The following ST3GAL2 variants were observed in gnomAD, a reference collection of about 807,000 sequenced individuals.
The protein encoded by ST3GAL2 is CMP-N-acetylneuraminate-beta-galactosamide-alpha-2,3-sialyltransferase 2.
ST3GAL2 carries 16 observed loss-of-function variants against 37.5 expected under a neutral mutation model. The ratio of observed to expected loss-of-function variants is 0.43; its 90% confidence interval spans 0.29 to 0.65. The LOEUF is 0.65. Ranked by LOEUF, ST3GAL2 falls within the 30% of genes least tolerant of loss-of-function variation. ST3GAL2 has a pLI of 0.17. For synonymous variants in ST3GAL2, 238 were observed against 202.9 expected (o/e 1.17, Z -1.47); for missense variants, 383 against 487.8 (o/e 0.79, Z 2.02).
chr16:70,400,112 G>A (rs2047545407), intron 1 of ST3GAL2: 1 of 152,480 alleles, frequency 6.6e-6, no homozygotes, highest in South Asian at 2.1e-4. Flanking sequence ...GTGGTTGCTG[G>A]GCTTGGTCCT....
chr16:70,398,171 G>C, intron 2 of ST3GAL2, 21 bp downstream of exon 2: 1 of 1,604,020 alleles, frequency 6.2e-7, no homozygotes, highest in Non-Finnish European at 8.5e-7. Context: ...CAGATCCCTG[G>C]AAGGGAGCAG....
rs2047407221 is a variant in ST3GAL2, at chr16:70,381,736, C to T, written c.1006G>A (p.Asp336Asn). 1 of 1,613,948 alleles carries T rather than the reference C, an allele frequency of 6.2e-7. No individual in the cohort carries two copies. Among genetic ancestry groups the T allele is most frequent in the Admixed American group, 1.7e-5 (1 of 60,004 alleles). ...HDADFEAHII[D>N]MLAKASKIEV... ...ATCTTGCTGGCCTTGGCCAGCATGT[C>T]GATGATGTGGGCCTCGAAGTCCGCG... Residue 336 changes from aspartate to asparagine, a missense_variant, in exon 7 of 7, where the codon GAC becomes AAC. Asp to Asn is a conservative substitution (Grantham distance 23). This residue lies in a region of ST3GAL2 where 160 missense variants were observed against 248.6 expected (regional missense o/e 0.64). Transcript: ENST00000342907.
chr16:70,435,629 T>TA (rs2047819848), intron 1 of ST3GAL2, among the ~76,000 whole-genome samples: 1 of 145,828 alleles, frequency 6.9e-6, no homozygotes, highest in Non-Finnish European at 1.5e-5. Flanking sequence ...AAATAAATTT[T>TA]AAAAAAATAC....
At chr16:70,423,317 T>C (rs1190373263) in intron 1 of ST3GAL2, among the ~76,000 whole-genome samples, 1 of 152,136 alleles carries the variant, frequency 6.6e-6, no homozygotes, top group Non-Finnish European at 1.5e-5. Context: ...GAATCCAGCC[T>C]GGCCAACATG....
chr16:70,388,273 T>C lies in ST3GAL2; in HGVS notation c.713+94A>G, dbSNP rs113639899. The C allele has an allele frequency of 1.9e-6, 3 of 1,538,692 alleles. No homozygotes were observed. The South Asian group carries it at 3.5e-5, about 18-fold the overall frequency. ...TCACCAGCCCCTCTTGGCCAAAATG[T>C]TCAATGAAAGGAATCCTACAATCTG... On this transcript the variant is annotated intron_variant, in intron 4 of 6. Coordinates refer to ENST00000342907, the MANE Select transcript of ST3GAL2 (RefSeq NM_006927.4).
chr16:70,390,430 C>T (rs938429208), intron 3 of ST3GAL2, among the ~76,000 whole-genome samples: 4 of 152,232 alleles, frequency 2.6e-5, no homozygotes, highest in Admixed American at 6.5e-5. Context: ...GCTTCCACTT[C>T]ACTTGGCTGT....
chr16:70,402,796 T>G (rs1359311453), intron 1 of ST3GAL2, among the ~76,000 whole-genome samples: 12 of 152,130 alleles, frequency 7.9e-5, no homozygotes, highest in Non-Finnish European at 1.5e-5. Context: ...ATTACAGGCA[T>G]GTGCCACCAC....
chr16:70,420,961 T>TA (rs2047710516), intron 1 of ST3GAL2, among the ~76,000 whole-genome samples: 1 of 152,346 alleles, frequency 6.6e-6, no homozygotes, highest in Admixed American at 6.5e-5. Context: ...ACAGGGACCC[T>TA]GGAAGTTCCA....
intron 1 of ST3GAL2, among the ~76,000 whole-genome samples, chr16:70,411,769 C>T (rs1444049501): frequency 1.3e-5 from 2 of 152,062 alleles, no homozygotes; most frequent in Non-Finnish European, 2.9e-5. Flanking sequence ...CTGAGGCAGG[C>T]GGATCACCTG....
At chr16:70,394,605 T>TG (rs1481003836) in intron 3 of ST3GAL2, among the ~76,000 whole-genome samples, 1 of 152,186 alleles carries the variant, frequency 6.6e-6, no homozygotes, top group Non-Finnish European at 1.5e-5. Context: ...CTCTAACTCC[T>TG]GGGCTCAAGC....
chr16:70,416,310 T>G (rs2047676560), intron 1 of ST3GAL2, among the ~76,000 whole-genome samples: 2 of 152,198 alleles, frequency 1.3e-5, no homozygotes, highest in Admixed American at 6.5e-5. Flanking sequence ...CCCAGCCTCA[T>G]CTCTTATCAG....
chr16:70,403,994 C>T (rs558402124), intron 1 of ST3GAL2, among the ~76,000 whole-genome samples: 83 of 149,066 alleles, frequency 5.6e-4, no homozygotes, highest in Non-Finnish European at 9.2e-4. Flanking sequence ...TACCACAACT[C>T]GAAAAAAAAA....
intron 1 of ST3GAL2, among the ~76,000 whole-genome samples, chr16:70,415,313 C>T: frequency 6.6e-6 from 1 of 152,200 alleles, no homozygotes; most frequent in East Asian, 1.9e-4. Flanking sequence ...TACTCTGCAG[C>T]TGCATTCCTG....
At chr16:70,415,663 G>A (rs998392532) in intron 1 of ST3GAL2, among the ~76,000 whole-genome samples, 1 of 151,496 alleles carries the variant, frequency 6.6e-6, no homozygotes, top group African/African-American at 2.4e-5. Flanking sequence ...TGTTGGCTAG[G>A]CTGGTCTCAA....
chr16:70,421,603 G>A (rs1042045241), intron 1 of ST3GAL2, among the ~76,000 whole-genome samples: 1 of 152,208 alleles, frequency 6.6e-6, no homozygotes, highest in East Asian at 1.9e-4. Flanking sequence ...ATACAGCTTG[G>A]GGTTACACAG....
intron 1 of ST3GAL2, among the ~76,000 whole-genome samples, chr16:70,424,320 G>A (rs988414239): frequency 2.0e-5 from 3 of 149,268 alleles, no homozygotes; most frequent in African/African-American, 4.9e-5. Flanking sequence ...TAAGGTTCTT[G>A]GCTGGGCACA....
At chr16:70,401,272 C>T (rs1567670270) in intron 1 of ST3GAL2, among the ~76,000 whole-genome samples, 1 of 152,206 alleles carries the variant, frequency 6.6e-6, no homozygotes, top group Non-Finnish European at 1.5e-5. Context: ...GCAACTCAAT[C>T]AGGGAAGTCA....
chr16:70,396,225 C>G (rs929164561), intron 2 of ST3GAL2, among the ~76,000 whole-genome samples: 5 of 149,864 alleles, frequency 3.3e-5, no homozygotes, highest in Non-Finnish European at 7.4e-5. Flanking sequence ...CCGCCTTGGC[C>G]TCCCAAGGTG....
rs942614193 is a variant in ST3GAL2, at chr16:70,390,094, C to A, written c.534-1548G>T. Among the ~76,000 whole-genome samples the A allele has an allele frequency of 9.3e-5, 14 of 150,562 alleles. 1 individual carries two copies. The highest frequency in any genetic ancestry group is 2.0e-4 in the Admixed American group (3 of 15,142). Reference sequence around the variant, plus strand: ...AGCCACCACGCTCGGCCCTGTTTGTCTTTTAAGTCTCACTCTGTCACCCAG... The same window carrying A: ...AGCCACCACGCTCGGCCCTGTTTGTATTTTAAGTCTCACTCTGTCACCCAG... On this transcript the variant is annotated intron_variant, in intron 3 of 6. Transcript: ENST00000342907.
Sources: allele counts gnomAD v4.1 joint callset (sites outside exome capture counted in the v4.1 genomes callset), GRCh38; gene constraint gnomAD v4.1.1; regional missense constraint gnomAD v4.1.1; transcripts MANE v1.5; gene names NCBI Gene and HGNC (gene_info 2026-07-23, HGNC 2026-07-21).